BLNK: variants seen among roughly 807,000 people sequenced by gnomAD.
BLNK encodes the protein B-cell linker protein.
In BLNK, 29 loss-of-function variants were observed where a neutral mutation model predicts 73.5. That is an observed-to-expected ratio of 0.39 (90% confidence interval 0.29 to 0.54). The LOEUF is 0.54. BLNK is among the 20% of genes least tolerant of loss of function. BLNK has a pLI of 0.61. For missense variants in BLNK, 460 were observed against 562.8 expected, an observed-to-expected ratio of 0.82 and a Z score of 1.85; for synonymous variants, 176 against 200.8, an observed-to-expected ratio of 0.88 and a Z score of 1.04.
At chr10:96,261,440 T>C (rs1345046018) in intron 1 of BLNK, among the ~76,000 whole-genome samples, 13 of 152,166 alleles carry the variant, frequency 8.5e-5, no homozygotes, top group African/African-American at 2.9e-4. Flanking sequence ...TTCAAAATAA[T>C]TTACTTTTGA....
intron 8 of BLNK, among the ~76,000 whole-genome samples, chr10:96,211,781 C>G (rs1415705636): frequency 2.0e-5 from 3 of 152,182 alleles, no homozygotes. Flanking sequence ...TGAAATGTCA[C>G]CTGAATGTGT....
chr10:96,210,626 G>C (rs1208865100), intron 8 of BLNK, among the ~76,000 whole-genome samples: 1 of 152,186 alleles, frequency 6.6e-6, no homozygotes, highest in Non-Finnish European at 1.5e-5. Flanking sequence ...GAGGGAGGAA[G>C]TGAAAGAGAA....
At chr10:96,203,967 G>T in intron 13 of BLNK, 90 bp downstream of exon 13, 1 of 1,067,192 alleles carries the variant, frequency 9.4e-7, no homozygotes, top group South Asian at 1.4e-5. Flanking sequence ...AGCTGGAAGC[G>T]ACAGTGCTGT....
At chr10:96,215,968 G>A (rs144577194) in intron 7 of BLNK, 19 of 160,954 alleles carry the variant, frequency 1.2e-4, no homozygotes, top group Middle Eastern at 3.3e-3. Context: ...GTACGGGAGA[G>A]GGTTGCTACA....
At chr10:96,214,326 G>A (rs782618089) in intron 8 of BLNK, among the ~76,000 whole-genome samples, 2 of 152,178 alleles carry the variant, frequency 1.3e-5, no homozygotes, top group Non-Finnish European at 2.9e-5. Context: ...ACCTATAGGA[G>A]CAACCAGGAA....
At chr10:96,227,140 GTTGTTTGTTTGT>G (rs3841593) in intron 5 of BLNK, among the ~76,000 whole-genome samples, 3,804 of 151,204 alleles carry the variant, frequency 0.025, 53 homozygotes, top group Middle Eastern at 0.065. Flanking sequence ...TGCTGGGTTT[GTTGTTTGTTTGT>G]TTGTTTGTTT....
chr10:96,257,379 G>A (rs1242870054), intron 1 of BLNK, among the ~76,000 whole-genome samples: 2 of 152,176 alleles, frequency 1.3e-5, no homozygotes, highest in Admixed American at 6.5e-5. Context: ...AGGCAACTGT[G>A]CCAGGCCCAA....
chr10:96,192,007 G>C lies in BLNK; in HGVS notation c.1337C>G (p.Ser446Cys), dbSNP rs1554893547. The change falls in exon 17 of 17, where the codon TCC becomes TGC. Residue 446 changes from serine (S) to cysteine (C), a missense_variant. By Grantham distance (112) the Ser-to-Cys change is moderately radical. Around this residue, in one of 3 missense-constraint regions of BLNK, gnomAD observed 88 missense variants for 143.4 expected, o/e 0.61. Transcript: ENST00000224337. Reference protein sequence around the residue: ...LIDSQNNTKDSTRLKYAVKVS With the variant: ...LIDSQNNTKDCTRLKYAVKVS ...TTTAACTGCATACTTCAGTCTGGTG[G>C]AATCTTTTGTGTTATTCTGACTGTC... 3 of 1,613,536 alleles carry C rather than the reference G, an allele frequency of 1.9e-6. No individual in the cohort carries two copies. Among genetic ancestry groups the C allele is most frequent in the Non-Finnish European group, 2.5e-6 (3 of 1,179,766 alleles).
chr10:96,216,464 A>C, intron 7 of BLNK, 189 bp downstream of exon 7: 1 of 638,146 alleles, frequency 1.6e-6, no homozygotes, highest in Non-Finnish European at 2.8e-6. Flanking sequence ...GGGAAGGGCT[A>C]TGATACACAG....
intron 4 of BLNK, among the ~76,000 whole-genome samples, chr10:96,228,110 C>CT (rs1842351047): frequency 1.8e-4 from 15 of 81,490 alleles, no homozygotes; most frequent in East Asian, 1.7e-3. Context: ...TTTTTTTTTC[C>CT]TGTTTTTGAG....
intron 8 of BLNK, among the ~76,000 whole-genome samples, chr10:96,211,583 G>A (rs2083950208): frequency 6.6e-6 from 1 of 152,212 alleles, no homozygotes; most frequent in Non-Finnish European, 1.5e-5. Context: ...AAGGATGGGA[G>A]CAACAGCAAA....
chr10:96,245,439 A>G (rs563546960), intron 2 of BLNK, among the ~76,000 whole-genome samples: 1 of 152,352 alleles, frequency 6.6e-6, no homozygotes, highest in Admixed American at 6.5e-5. Context: ...ATGAACATTT[A>G]TTAAAGTATT....
At chr10:96,238,585 C>T (rs933820333) in intron 3 of BLNK, among the ~76,000 whole-genome samples, 9 of 152,128 alleles carry the variant, frequency 5.9e-5, no homozygotes, top group African/African-American at 1.7e-4. Context: ...AGGCCCTGGA[C>T]GTGCAGCTGT....
intron 3 of BLNK, among the ~76,000 whole-genome samples, chr10:96,239,849 AGT>A (rs1842827856): frequency 6.6e-6 from 1 of 152,074 alleles, no homozygotes; most frequent in African/African-American, 2.4e-5. Flanking sequence ...CAGACAGGTG[AGT>A]GTGAGGGGAC....
chr10:96,194,780 T>TTTTTTG (rs1421399570), intron 16 of BLNK, among the ~76,000 whole-genome samples: 5 of 142,636 alleles, frequency 3.5e-5, no homozygotes, highest in Non-Finnish European at 6.2e-5. Context: ...TTTTTTTTTT[T>TTTTTTG]TTTTTTTTGA....
intron 1 of BLNK, among the ~76,000 whole-genome samples, chr10:96,260,154 C>G (rs1274442828): frequency 1.3e-5 from 2 of 152,144 alleles, no homozygotes; most frequent in African/African-American, 2.4e-5. Flanking sequence ...CCTCACAAAA[C>G]TACATAAAAG....
intron 1 of BLNK, among the ~76,000 whole-genome samples, chr10:96,253,975 C>A (rs1463416078): frequency 1.3e-5 from 2 of 150,818 alleles, no homozygotes; most frequent in Non-Finnish European, 2.9e-5. Context: ...GAGCCGAGAT[C>A]GTGCCACTGC....
At chr10:96,209,774 C>T in intron 9 of BLNK, 64 bp downstream of exon 9, 29 of 1,570,494 alleles carry the variant, frequency 1.8e-5, no homozygotes, top group Non-Finnish European at 2.5e-5. Flanking sequence ...GTCAACAGGG[C>T]AGTGGGGTAT....
intron 4 of BLNK, among the ~76,000 whole-genome samples, chr10:96,229,689 C>T (rs868992294): frequency 1.3e-4 from 8 of 61,934 alleles, no homozygotes; most frequent in African/African-American, 2.5e-4. Flanking sequence ...TGTGTGTGTT[C>T]GTGTGTGCAC....
Sources: allele counts gnomAD v4.1 joint callset (sites outside exome capture counted in the v4.1 genomes callset), GRCh38; gene constraint gnomAD v4.1.1; regional missense constraint gnomAD v4.1.1; transcripts MANE v1.5; gene names NCBI Gene and HGNC (gene_info 2026-07-23, HGNC 2026-07-21).